RIT2: variants seen among roughly 807,000 people sequenced by gnomAD.
RIT2 encodes GTP-binding protein Rit2.
In RIT2, 24 loss-of-function variants were observed where a neutral mutation model predicts 23.7. That is an observed-to-expected ratio of 1.01 (90% CI 0.73 to 1.43). The LOEUF (loss-of-function observed/expected upper bound fraction) is 1.43, where lower values mean the gene tolerates loss of function less well. RIT2 is among the 40% of genes most tolerant of loss of function. The pLI, the probability that RIT2 is intolerant of heterozygous loss-of-function variation, is 0.00. For missense variants in RIT2, 236 were observed against 266.9 expected, an observed-to-expected ratio of 0.88 and a Z score of 0.81; for synonymous variants, 107 against 91.1, an observed-to-expected ratio of 1.17 and a Z score of -0.99.
chr18:42,775,662 A>G (rs1312465541), intron 4 of RIT2, among the ~76,000 whole-genome samples: 1 of 151,596 alleles, frequency 6.6e-6, no homozygotes, highest in African/African-American at 2.4e-5. Context: ...GCGCCACTGC[A>G]CTCCAGCCTG....
chr18:42,899,632 G>A (rs1908423370), intron 4 of RIT2, among the ~76,000 whole-genome samples: 1 of 151,970 alleles, frequency 6.6e-6, no homozygotes, highest in African/African-American at 2.4e-5. Flanking sequence ...ATGCAAACCT[G>A]AGGTGCATTA....
chr18:42,834,332 T>C (rs930010453), intron 4 of RIT2, among the ~76,000 whole-genome samples: 9 of 152,182 alleles, frequency 5.9e-5, no homozygotes, highest in African/African-American at 2.2e-4. Context: ...TCTGGGTACA[T>C]GGACAATTCG....
chr18:42,913,386 C>T (rs1908822714), intron 4 of RIT2, among the ~76,000 whole-genome samples: 1 of 151,718 alleles, frequency 6.6e-6, no homozygotes, highest in African/African-American at 2.4e-5. Context: ...ATCAATACAT[C>T]GAGTTCATCA....
intron 3 of RIT2, among the ~76,000 whole-genome samples, chr18:42,946,043 T>C (rs953102110): frequency 6.6e-6 from 1 of 152,138 alleles, no homozygotes; most frequent in Non-Finnish European, 1.5e-5. Context: ...TGTGAATACT[T>C]TGGGTGCATA....
intron 1 of RIT2, among the ~76,000 whole-genome samples, chr18:43,107,956 G>A (rs1244591450): frequency 1.3e-5 from 2 of 149,908 alleles, no homozygotes; most frequent in Non-Finnish European, 2.9e-5. Flanking sequence ...GAGGTCAGGA[G>A]ATCGAGACCA....
intron 1 of RIT2, among the ~76,000 whole-genome samples, chr18:43,106,667 G>A (rs899609445): frequency 7.9e-5 from 12 of 152,158 alleles, no homozygotes; most frequent in African/African-American, 2.9e-4. Context: ...GCATACTTTA[G>A]GAAGAATCAG....
At chr18:42,914,714 C>T (rs774903986) in intron 4 of RIT2, among the ~76,000 whole-genome samples, 1 of 151,862 alleles carries the variant, frequency 6.6e-6, no homozygotes, top group East Asian at 1.9e-4. Flanking sequence ...GTTAAGCAGG[C>T]TACACACGTG....
intron 4 of RIT2, among the ~76,000 whole-genome samples, chr18:42,876,863 T>A (rs1056999966): frequency 1.3e-5 from 2 of 151,920 alleles, no homozygotes; most frequent in African/African-American, 4.8e-5. Flanking sequence ...ATTAAAATAT[T>A]TGATGTTAAG....
chr18:42,889,263 A>G (rs1908109292), intron 4 of RIT2, among the ~76,000 whole-genome samples: 1 of 152,108 alleles, frequency 6.6e-6, no homozygotes, highest in Non-Finnish European at 1.5e-5. Context: ...AAGAGATTCT[A>G]CTGATCCAAA....
chr18:43,102,931 G>A (rs1198438558), intron 1 of RIT2, among the ~76,000 whole-genome samples: 1 of 152,160 alleles, frequency 6.6e-6, no homozygotes, highest in Non-Finnish European at 1.5e-5. Flanking sequence ...TGGGATTATG[G>A]ACGTGAGCCA....
At chr18:43,108,423 A>G (rs1271509300) in intron 1 of RIT2, among the ~76,000 whole-genome samples, 1 of 151,926 alleles carries the variant, frequency 6.6e-6, no homozygotes, top group Non-Finnish European at 1.5e-5. Flanking sequence ...TCCTCACAAG[A>G]TCAAGGCAGG....
chr18:42,788,770 T>C (rs1338020566), intron 4 of RIT2, among the ~76,000 whole-genome samples: 2 of 152,154 alleles, frequency 1.3e-5, no homozygotes, highest in Non-Finnish European at 2.9e-5. Context: ...ATCTATCAAA[T>C]ACCCAAGTCT....
chr18:43,000,981 A>C (rs373920805), intron 2 of RIT2, among the ~76,000 whole-genome samples: 1 of 152,194 alleles, frequency 6.6e-6, no homozygotes, highest in East Asian at 1.9e-4. Flanking sequence ...AAGCAGAAAT[A>C]TCTGCATTTA....
chr18:43,046,030 T>C (rs144584063), intron 1 of RIT2, among the ~76,000 whole-genome samples: 11 of 152,238 alleles, frequency 7.2e-5, no homozygotes, highest in South Asian at 2.1e-4. Flanking sequence ...TCACAACATA[T>C]GTGAAATGAC....
intron 4 of RIT2, among the ~76,000 whole-genome samples, chr18:42,900,641 G>A (rs1246841074): frequency 6.6e-6 from 1 of 151,932 alleles, no homozygotes; most frequent in African/African-American, 2.4e-5. Flanking sequence ...AAAAAAAAAT[G>A]TACCCTTAAA....
At chr18:42,798,820 A>G (rs1905444663) in intron 4 of RIT2, among the ~76,000 whole-genome samples, 1 of 152,224 alleles carries the variant, frequency 6.6e-6, no homozygotes, top group Non-Finnish European at 1.5e-5. Context: ...GACTTAATTG[A>G]AAATCTCTTG....
At chr18:42,837,879 A>C (rs914808961) in intron 4 of RIT2, among the ~76,000 whole-genome samples, 1 of 152,222 alleles carries the variant, frequency 6.6e-6, no homozygotes, top group African/African-American at 2.4e-5. Context: ...ACACAGTACC[A>C]ATGAAATTAG....
chr18:42,841,510 A>C (rs1308030108), intron 4 of RIT2, among the ~76,000 whole-genome samples: 3 of 152,196 alleles, frequency 2.0e-5, no homozygotes, highest in Non-Finnish European at 4.4e-5. Context: ...TCTAACAATG[A>C]AAATATATCA....
In RIT2 at chr18:42,792,611, T is replaced by C. The variant is rs540732779; in HGVS notation, c.427-48891A>G. ...AGACAATTCAATGAATTAGGGCAGG[T>C]GGCATTTACATTTTACAAATGAGAA... On this transcript the variant is annotated intron_variant, in intron 4 of 4. Transcript: ENST00000326695. Among the ~76,000 whole-genome samples, 4 of 152,318 alleles carry C rather than the reference T, an allele frequency of 2.6e-5. No homozygotes were observed. In the South Asian group the frequency reaches 8.3e-4, roughly 32 times the overall value.
Sources: allele counts gnomAD v4.1 joint callset (sites outside exome capture counted in the v4.1 genomes callset), GRCh38; gene constraint gnomAD v4.1.1; transcripts MANE v1.5; gene names NCBI Gene and HGNC (gene_info 2026-07-23, HGNC 2026-07-21).